CNNM4: variants seen among roughly 807,000 people sequenced by gnomAD.
CNNM4 encodes cyclin and CBS domain divalent metal cation transport mediator 4.
A neutral mutation model predicts 53.7 loss-of-function variants in CNNM4; 32 were observed. The observed-to-expected ratio is 0.60, with a 90% CI of 0.45 to 0.80. The LOEUF (loss-of-function observed/expected upper bound fraction) is 0.80. Ranked by LOEUF, CNNM4 falls within the 30% of genes least tolerant of loss-of-function variation. The pLI, the probability that CNNM4 is intolerant of heterozygous loss-of-function variation, is 0.00. For synonymous variants in CNNM4, 410 were observed against 440.0 expected, an observed-to-expected ratio of 0.93 and a Z score of 0.85; for missense variants, 784 against 1,022.0, an observed-to-expected ratio of 0.77 and a Z score of 3.17.
intron 5 of CNNM4, among the ~76,000 whole-genome samples, chr2:96,806,408 G>A (rs1026721637): frequency 2.0e-5 from 3 of 150,470 alleles, no homozygotes; most frequent in Non-Finnish European, 4.4e-5. Flanking sequence ...CTCAGTTCAC[G>A]ACCCACTAAG....
In CNNM4 at chr2:96,797,707, G is replaced by A; in HGVS notation, c.1681+60G>A. ...ATACGGTCACGGGGGAGAAGTCCTG[G>A]GTTTCCGGCTGCTTTCCCCCCATAG... On this transcript the variant is annotated intron_variant, in intron 3 of 6. Coordinates refer to ENST00000377075, the MANE Select transcript of CNNM4 (RefSeq NM_020184.4). This position sits in a 1 kb window ranked among gnomAD's most constrained non-coding sequence, Gnocchi z 6.0. The A allele has an allele frequency of 1.2e-6, 2 of 1,604,078 alleles. No individual in the cohort carries two copies. Among genetic ancestry groups the A allele is most frequent in the Middle Eastern group, 1.7e-4 (1 of 6,034 alleles).
rs1449925789 is a variant in CNNM4, at chr2:96,783,783, C to A, written c.1403-13229C>A. Among the ~76,000 whole-genome samples the A allele has an allele frequency of 2.0e-5, 3 of 152,178 alleles. No individual in the cohort carries two copies. In the East Asian group the frequency reaches 5.8e-4, roughly 29 times the overall value. On this transcript the variant is annotated intron_variant, in intron 1 of 6. Coordinates refer to ENST00000377075, the MANE Select transcript of CNNM4 (RefSeq NM_020184.4). ...GGGGAGAAGGCACAATTTAAGAGCCCAATGGGGACTGGGATTGTGTATGCA... is the reference window on the plus strand; with the variant it reads ...GGGGAGAAGGCACAATTTAAGAGCCAAATGGGGACTGGGATTGTGTATGCA...
intron 5 of CNNM4, among the ~76,000 whole-genome samples, chr2:96,805,440 A>AATT (rs2079194974): frequency 3.4e-4 from 30 of 87,438 alleles, no homozygotes; most frequent in Non-Finnish European, 5.0e-4. Flanking sequence ...TTTTTTTTTT[A>AATT]TTATTTTTTT....
chr2:96,768,969 A>G (rs1290309869), intron 1 of CNNM4, among the ~76,000 whole-genome samples: 1 of 152,180 alleles, frequency 6.6e-6, no homozygotes, highest in African/African-American at 2.4e-5. Flanking sequence ...GTCAGCCAAG[A>G]GGCCGGGTGC....
rs896997499 is a variant in CNNM4, at chr2:96,800,110, T to C, written c.1948+462T>C. Among the ~76,000 whole-genome samples the C allele has an allele frequency of 6.6e-6, 1 of 152,002 alleles. No individual in the cohort carries two copies. Among genetic ancestry groups the C allele is most frequent in the Non-Finnish European group, 1.5e-5 (1 of 67,990 alleles). Reference sequence around the variant, plus strand: ...TTCGGAGGACGCGGCTACTGGGTTTTGGTTAGAGGTCAGCTCCGATGGAAT... The same window carrying C: ...TTCGGAGGACGCGGCTACTGGGTTTCGGTTAGAGGTCAGCTCCGATGGAAT... On this transcript the variant is annotated intron_variant, in intron 5 of 6. Transcript: ENST00000377075. This position sits in a 1 kb window ranked among gnomAD's most constrained non-coding sequence, Gnocchi z 4.6.
chr2:96,803,837 C>G (rs981376343), intron 5 of CNNM4, among the ~76,000 whole-genome samples: 15 of 152,016 alleles, frequency 9.9e-5, no homozygotes, highest in African/African-American at 3.6e-4. Context: ...TAAAAAGTAT[C>G]ATAATTTCAT....
intron 1 of CNNM4, among the ~76,000 whole-genome samples, chr2:96,775,592 G>C (rs114501024): frequency 8.2e-4 from 125 of 152,342 alleles, no homozygotes; most frequent in African/African-American, 3.0e-3. Context: ...AGGGATGGTA[G>C]AGATGAGAGT....
Position 96,809,802 on chromosome 2 carries a change from T to A in CNNM4, c.*285T>A, listed in dbSNP as rs1053942261. On this transcript the variant is annotated 3_prime_UTR_variant, in exon 7 of 7. Transcript: ENST00000377075. ...CTAAAGTAGGCTCATCACTTTTTTT[T>A]AAATATCATTTTGGGAAGGGAAGAC... 2.9e-5 allele frequency: 10 copies of A among 346,900 alleles called. No individual in the cohort carries two copies. Among genetic ancestry groups the A allele is most frequent in the Middle Eastern group, 8.3e-4 (1 of 1,212 alleles). 21.5% of individuals were successfully genotyped at this position (346,900 alleles called of 1,614,324 possible). A position where few individuals can be genotyped will look rare whatever the true frequency, so the allele number is the denominator to read the frequency against.
chr2:96,785,303 G>GCC (rs1474557484), intron 1 of CNNM4, among the ~76,000 whole-genome samples: 1 of 151,948 alleles, frequency 6.6e-6, no homozygotes, highest in African/African-American at 2.4e-5. Context: ...TGTTATACTA[G>GCC]TACATGTATT....
rs745779788 is a variant in CNNM4, at chr2:96,761,402, C to T, written c.403C>T (p.Leu135Phe). 3 of 1,613,984 alleles carry T rather than the reference C, an allele frequency of 1.9e-6. No individual in the cohort carries two copies. The highest frequency in any genetic ancestry group is 1.7e-5 in the Admixed American group (1 of 60,010). ...RGNTSGVLVVLTKFLRRSESM... is the reference protein window; with the variant it reads ...RGNTSGVLVVFTKFLRRSESM... ...GAACACGTCCGGCGTGCTGGTGGTG[C>T]TCACCAAGTTCCTCCGGAGGAGCGA... The change falls in exon 1 of 7, where the codon CTC (leucine) becomes TTC (phenylalanine). Residue 135 changes from leucine to phenylalanine, a missense_variant. Coordinates refer to ENST00000377075, the MANE Select transcript of CNNM4 (RefSeq NM_020184.4). This position sits in a 1 kb window ranked among gnomAD's most constrained non-coding sequence, Gnocchi z 6.0.
intron 1 of CNNM4, among the ~76,000 whole-genome samples, chr2:96,782,575 TCCTC>T (rs2153346805): frequency 2.0e-5 from 3 of 152,264 alleles, no homozygotes; most frequent in African/African-American, 7.2e-5. Flanking sequence ...CTTGTCCTCT[TCCTC>T]CCCTTCTGTT....
intron 1 of CNNM4, among the ~76,000 whole-genome samples, chr2:96,767,432 C>T (rs1190734935): frequency 1.4e-4 from 22 of 152,152 alleles, no homozygotes; most frequent in Admixed American, 1.4e-3. Context: ...ACAAAGCCAC[C>T]TCCAGCTCCT....
rs1405651196 is a variant in CNNM4 at position 96,760,941 on chromosome 2, C to T, written c.-59C>T. 7.6e-6 allele frequency: 7 copies of T among 917,562 alleles called. No homozygotes were observed. Among genetic ancestry groups the T allele is most frequent in the African/African-American group, 5.4e-5 (3 of 55,488 alleles). 56.8% of individuals were successfully genotyped at this position (917,562 alleles called of 1,614,324 possible). On this transcript the variant is annotated 5_prime_UTR_variant, in exon 1 of 7. Transcript: ENST00000377075. The stretch of plus-strand genomic sequence containing the variant: ...CAGCGGAGCGGCCGGAGCTGCGGTG[C>T]GGACCGGGGCCGCGCGGCGTGGCGC...
In CNNM4 at chr2:96,797,369, C is replaced by T. The variant is rs747640139; in HGVS notation, c.1547-144C>T. On this transcript the variant is annotated intron_variant, in intron 2 of 6. Coordinates refer to ENST00000377075, the MANE Select transcript of CNNM4 (RefSeq NM_020184.4). This position sits in a 1 kb window ranked among gnomAD's most constrained non-coding sequence, Gnocchi z 6.0. ...TTCACCCTCGGCCTTTGTGCCTCGG[C>T]GTCAGCCCAGGACCCTGCCAGCCAG... The T allele has an allele frequency of 1.4e-5, 20 of 1,389,788 alleles. No individual in the cohort carries two copies. The East Asian group carries it at 1.8e-4, about 13-fold the overall frequency. The allele number at this position is 1,389,788 out of a possible 1,614,324, so 86.1% of individuals were successfully genotyped here.
chr2:96,786,286 A>G (rs1228270427), intron 1 of CNNM4, among the ~76,000 whole-genome samples: 1 of 151,472 alleles, frequency 6.6e-6, no homozygotes, highest in African/African-American at 2.4e-5. Context: ...GAATGGTGGC[A>G]TGCTCCTGTA....
chr2:96,765,570 C>T (rs1424971245), intron 1 of CNNM4, among the ~76,000 whole-genome samples: 2 of 152,164 alleles, frequency 1.3e-5, no homozygotes, highest in Non-Finnish European at 2.9e-5. Flanking sequence ...AGTCCTTCTG[C>T]CCCACAAGTA....
At chr2:96,791,277 G>T (rs62152781) in intron 1 of CNNM4, among the ~76,000 whole-genome samples, 4,077 of 152,144 alleles carry the variant, frequency 0.027, 71 homozygotes, top group Middle Eastern at 0.044. Flanking sequence ...CCGTAAAATT[G>T]TATTTTAATG....
intron 1 of CNNM4, among the ~76,000 whole-genome samples, chr2:96,772,717 A>C: frequency 1.0e-5 from 1 of 99,880 alleles, no homozygotes; most frequent in African/African-American, 4.1e-5. Flanking sequence ...AGGCGCTCAC[A>C]CACACATGCG....
chr2:96,809,214 TTC>T, intron 6 of CNNM4, 104 bp from the exon 7 acceptor site: 1 of 1,559,190 alleles, frequency 6.4e-7, no homozygotes, highest in Non-Finnish European at 8.7e-7. Context: ...ACTGGTCATG[TTC>T]TCTCTCAACT....
Sources: gnomAD v4.1 joint callset for allele counts (sites outside exome capture counted in the v4.1 genomes callset) on GRCh38, gnomAD v4.1.1 for gene constraint, Gnocchi (gnomAD v3.1) non-coding constraint, MANE v1.5 for transcripts, NCBI Gene and HGNC (gene_info 2026-07-23, HGNC 2026-07-21) for gene names.